CAMK4: variants seen among roughly 807,000 people sequenced by gnomAD.
The protein encoded by CAMK4 is calcium/calmodulin dependent protein kinase IV.
In CAMK4, 22 loss-of-function variants were observed where a neutral mutation model predicts 44.9. The observed-to-expected ratio is 0.49, with a 90% CI of 0.35 to 0.70. The LOEUF (loss-of-function observed/expected upper bound fraction) is 0.70, where lower values mean the gene tolerates loss of function less well. CAMK4 is among the 30% of genes least tolerant of loss of function. The pLI, the probability that CAMK4 is intolerant of heterozygous loss-of-function variation, is 0.01. For synonymous variants in CAMK4, 218 were observed against 215.4 expected (o/e 1.01, Z -0.11); for missense variants, 498 against 586.8 (o/e 0.85, Z 1.56).
chr5:111,335,466 A>T (rs1377754912), intron 1 of CAMK4, among the ~76,000 whole-genome samples: 3 of 151,384 alleles, frequency 2.0e-5, no homozygotes, highest in Non-Finnish European at 4.4e-5. Context: ...GGAGGAAAAA[A>T]TAAAATTAAA....
At chr5:111,258,360 T>A (rs1260338422) in intron 1 of CAMK4, among the ~76,000 whole-genome samples, 2 of 152,192 alleles carry the variant, frequency 1.3e-5, no homozygotes, top group Non-Finnish European at 2.9e-5. Flanking sequence ...CTATTTGTAT[T>A]AGTTTGTTTT....
chr5:111,224,285 C>T (rs1006555779), upstream of CAMK4: 13 of 673,486 alleles, frequency 1.9e-5, no homozygotes, highest in East Asian at 4.9e-4. The surrounding 1 kb of genome is among the most constrained non-coding windows in gnomAD (Gnocchi z 5.7). Context: ...CGGGTTCCCC[C>T]TCGCGCCCTC....
At chr5:111,422,123 T>G (rs961403765) in intron 5 of CAMK4, among the ~76,000 whole-genome samples, 5 of 152,198 alleles carry the variant, frequency 3.3e-5, no homozygotes, top group African/African-American at 9.7e-5. Context: ...AAAATATCTG[T>G]GAGACACTTG....
chr5:111,301,882 C>G (rs1747734015), intron 1 of CAMK4, among the ~76,000 whole-genome samples: 1 of 152,130 alleles, frequency 6.6e-6, no homozygotes, highest in South Asian at 2.1e-4. Context: ...CTCTACAGTT[C>G]ACTTGCAAGA....
intron 1 of CAMK4, among the ~76,000 whole-genome samples, chr5:111,268,803 T>TA (rs1174113004): frequency 6.6e-6 from 1 of 152,208 alleles, no homozygotes; most frequent in African/African-American, 2.4e-5. Flanking sequence ...TATCTCCTTC[T>TA]ATACCTGGTA....
intron 1 of CAMK4, among the ~76,000 whole-genome samples, chr5:111,303,777 C>T (rs1235540304): frequency 2.7e-5 from 4 of 146,906 alleles, no homozygotes; most frequent in South Asian, 2.1e-4. Context: ...AAGAGCAACT[C>T]GAAGACACAT....
chr5:111,433,049 C>G (rs1235738001), intron 5 of CAMK4, among the ~76,000 whole-genome samples: 23 of 152,086 alleles, frequency 1.5e-4, no homozygotes, highest in Non-Finnish European at 2.6e-4. Flanking sequence ...ATTCATTTTG[C>G]TTATGAGACT....
intron 5 of CAMK4, among the ~76,000 whole-genome samples, chr5:111,445,145 G>A (rs1753980438): frequency 6.6e-6 from 1 of 151,978 alleles, no homozygotes; most frequent in South Asian, 2.1e-4. Flanking sequence ...TTCAAGTGCT[G>A]GAATGTTTAT....
In CAMK4 at chr5:111,443,000, G is replaced by A. The variant is rs114519402; in HGVS notation, c.460-3686G>A. ...CCAACATTTTTTTTGAATATAAAGGGTTACTGAGACCAAAAAGTTTGAGAA... is the reference window on the plus strand; with the variant it reads ...CCAACATTTTTTTTGAATATAAAGGATTACTGAGACCAAAAAGTTTGAGAA... On this transcript the variant is annotated intron_variant, in intron 5 of 10. Transcript: ENST00000282356. 4.6e-3 allele frequency among the ~76,000 whole-genome samples: 685 copies of A among 149,134 alleles called. 8 individuals carry two copies. Among genetic ancestry groups the A allele is most frequent in the African/African-American group, 0.016 (670 of 40,998 alleles).
intron 1 of CAMK4, among the ~76,000 whole-genome samples, chr5:111,331,086 C>A (rs1054583000): frequency 6.6e-6 from 1 of 151,560 alleles, no homozygotes; most frequent in Non-Finnish European, 1.5e-5. Context: ...CACAAAAAAG[C>A]ACTCACTGTA....
In CAMK4 at chr5:111,492,436, T is replaced by C. The variant is rs1212303932; in HGVS notation, c.*7970T>C. ...CCGCATCATTATGTGTAGCAGAGAC[T>C]TTACTGGAATGAGTGAGGGGAAAGA... On this transcript the variant is annotated 3_prime_UTR_variant, in exon 11 of 11. Transcript: ENST00000282356. The C allele has an allele frequency of 1.3e-5, 2 of 152,180 alleles. No homozygotes were observed. Among genetic ancestry groups the C allele is most frequent in the Admixed American group, 1.3e-4 (2 of 15,276 alleles). The allele number at this position is 152,180 out of a possible 1,614,324, so 9.4% of individuals were successfully genotyped here.
At chr5:111,420,964 G>T (rs1395912878) in intron 5 of CAMK4, among the ~76,000 whole-genome samples, 1 of 151,326 alleles carries the variant, frequency 6.6e-6, no homozygotes, top group Admixed American at 6.6e-5. Flanking sequence ...TCAGCCGATG[G>T]GATTAAGAGA....
intron 1 of CAMK4, among the ~76,000 whole-genome samples, chr5:111,269,103 A>C (rs1750388694): frequency 6.6e-6 from 1 of 152,246 alleles, no homozygotes; most frequent in African/African-American, 2.4e-5. Flanking sequence ...AACTTGGAAG[A>C]AATGCTTTTA....
Position 111,485,722 on chromosome 5 carries a change from TAAAG to T in CAMK4, c.*1260_*1263del, listed in dbSNP as rs1011742489. 1 of 151,968 alleles carries T rather than the reference TAAAG, an allele frequency of 6.6e-6. No individual in the cohort carries two copies. The highest frequency in any genetic ancestry group is 2.4e-5 in the African/African-American group (1 of 41,400). 9.4% of individuals were successfully genotyped at this position (151,968 alleles called of 1,614,324 possible). ...CTTAAAAAACAAACAAAAACAAAAA[TAAAG>T]AAAAATACTGATTTCAAATCAGACT... On this transcript the variant is annotated 3_prime_UTR_variant, in exon 11 of 11. Coordinates refer to ENST00000282356, the MANE Select transcript of CAMK4 (RefSeq NM_001744.6).
chr5:111,382,676 T>C (rs555717249), intron 4 of CAMK4, among the ~76,000 whole-genome samples: 2 of 152,264 alleles, frequency 1.3e-5, no homozygotes, highest in South Asian at 4.1e-4. Context: ...ACAAGATAAC[T>C]GAGGATCAGA....
intron 1 of CAMK4, among the ~76,000 whole-genome samples, chr5:111,335,936 A>G (rs1214825611): frequency 2.6e-5 from 4 of 151,334 alleles, no homozygotes; most frequent in African/African-American, 9.7e-5. Flanking sequence ...GGTGGTCTAT[A>G]TTTTTAACTT....
At chr5:111,252,287 G>A (rs530510980) in intron 1 of CAMK4, among the ~76,000 whole-genome samples, 66 of 152,240 alleles carry the variant, frequency 4.3e-4, no homozygotes, top group African/African-American at 4.8e-4. Context: ...AGTATCATCC[G>A]TGCCTAGAGA....
chr5:111,433,854 A>G (rs551061811), intron 5 of CAMK4, among the ~76,000 whole-genome samples: 1 of 152,272 alleles, frequency 6.6e-6, no homozygotes, highest in Admixed American at 6.5e-5. Context: ...AGGGCCTTTA[A>G]TTCTTATAAT....
chr5:111,466,878 C>T (rs10073426), intron 7 of CAMK4, among the ~76,000 whole-genome samples: 49,269 of 151,868 alleles, frequency 0.32, 9,499 homozygotes, highest in Middle Eastern at 0.46. Context: ...AAAGAGCCTG[C>T]ATAGCCAAAG....
Sources: allele counts gnomAD v4.1 joint callset (sites outside exome capture counted in the v4.1 genomes callset), GRCh38; gene constraint gnomAD v4.1.1; non-coding constraint Gnocchi (gnomAD v3.1); transcripts MANE v1.5; gene names NCBI Gene and HGNC (gene_info 2026-07-23, HGNC 2026-07-21).